XKR4: variants seen among roughly 807,000 people sequenced by gnomAD.
XKR4 encodes XK-related protein 4.
A neutral mutation model predicts 53.9 loss-of-function variants in XKR4; 12 were observed. The ratio of observed to expected loss-of-function variants is 0.22; its 90% CI spans 0.14 to 0.36. The LOEUF is 0.36. XKR4 is among the 10% of genes least tolerant of loss of function. The probability of loss-of-function intolerance (pLI) is 1.00; values close to 1 mark genes in which losing one functional copy is unlikely to be tolerated. For synonymous variants in XKR4, 354 were observed against 362.4 expected, an observed-to-expected ratio of 0.98 and a Z score of 0.26; for missense variants, 799 against 859.5, an observed-to-expected ratio of 0.93 and a Z score of 0.88.
chr8:55,302,828 A>G (rs1333414653), intron 1 of XKR4, among the ~76,000 whole-genome samples: 2 of 152,078 alleles, frequency 1.3e-5, no homozygotes, highest in African/African-American at 2.4e-5. Context: ...AATGCTTGTG[A>G]TTTTTGTACA....
At chr8:55,521,812 C>T (rs185651412) in intron 2 of XKR4, among the ~76,000 whole-genome samples, 3 of 152,284 alleles carry the variant, frequency 2.0e-5, no homozygotes, top group East Asian at 1.9e-4. Context: ...GGATCATAGA[C>T]AACAGCTCTT....
intron 1 of XKR4, among the ~76,000 whole-genome samples, chr8:55,336,454 A>G (rs893078210): frequency 6.6e-6 from 1 of 152,186 alleles, no homozygotes; most frequent in Non-Finnish European, 1.5e-5. Flanking sequence ...CACTGGGCAA[A>G]AGTCAAAATA....
chr8:55,135,098 G>T (rs958911552), intron 1 of XKR4: 2 of 152,376 alleles, frequency 1.3e-5, no homozygotes, highest in Non-Finnish European at 2.9e-5. Flanking sequence ...CAGAAACAGT[G>T]TAATGGCAAA....
At chr8:55,509,864 A>G (rs530290304) in intron 2 of XKR4, among the ~76,000 whole-genome samples, 2 of 152,334 alleles carry the variant, frequency 1.3e-5, no homozygotes, top group South Asian at 2.1e-4. Context: ...TTTCTAAAAG[A>G]AAGTTCATAG....
At chr8:55,350,672 G>A (rs552744698) in intron 1 of XKR4, among the ~76,000 whole-genome samples, 1 of 152,148 alleles carries the variant, frequency 6.6e-6, no homozygotes, top group South Asian at 2.1e-4. Context: ...CCAGGGGCTG[G>A]GGAAGGAGGG....
intron 1 of XKR4, among the ~76,000 whole-genome samples, chr8:55,248,090 C>T (rs761499420): frequency 1.1e-4 from 17 of 151,712 alleles, no homozygotes; most frequent in South Asian, 4.2e-4. Flanking sequence ...CTCCTGACCT[C>T]GTGATCCACC....
intron 2 of XKR4, among the ~76,000 whole-genome samples, chr8:55,472,660 T>C (rs939926273): frequency 5.3e-5 from 8 of 152,078 alleles, no homozygotes; most frequent in African/African-American, 1.7e-4. Flanking sequence ...TGATGCGCAC[T>C]GTCATATTCC....
intron 1 of XKR4, among the ~76,000 whole-genome samples, chr8:55,250,061 A>C (rs1276779249): frequency 6.6e-6 from 1 of 152,184 alleles, no homozygotes; most frequent in East Asian, 1.9e-4. Flanking sequence ...TATCCACTAA[A>C]ATCTTAATGG....
In XKR4 at chr8:55,204,601, G is replaced by A. The variant is rs200144642; in HGVS notation, c.806+101307G>A. Among the ~76,000 whole-genome samples, 23 of 152,194 alleles carry A rather than the reference G, an allele frequency of 1.5e-4. No homozygotes were observed. The East Asian group carries it at 1.9e-3, about 13-fold the overall frequency. On this transcript the variant is annotated intron_variant, in intron 1 of 2. Coordinates refer to ENST00000327381, the MANE Select transcript of XKR4 (RefSeq NM_052898.2). Reference sequence around the variant, plus strand: ...GCAACTCTTTTCTACACAAGAGGTCGTCAATAAAAAATGAAACACATGAAC... The same window carrying A: ...GCAACTCTTTTCTACACAAGAGGTCATCAATAAAAAATGAAACACATGAAC...
chr8:55,216,727 CAA>C (rs35682640), intron 1 of XKR4, among the ~76,000 whole-genome samples: 8 of 101,052 alleles, frequency 7.9e-5, no homozygotes, highest in East Asian at 3.1e-4. Flanking sequence ...AATTGCATCT[CAA>C]AAAAAAAAAA....
rs1026554026 is a variant in XKR4 at position 55,531,848 on chromosome 8, A to G, written c.*7621A>G. ...GAATAACAAATTTCTGGACATAAAC[A>G]TGAGCTGTTTCTCTAAAGCCTTTCC... On this transcript the variant is annotated 3_prime_UTR_variant, in exon 3 of 3. Transcript: ENST00000327381. 3 of 152,272 alleles carry G rather than the reference A, an allele frequency of 2.0e-5. No individual in the cohort carries two copies. 9.4% of individuals were successfully genotyped at this position (152,272 alleles called of 1,614,324 possible).
intron 1 of XKR4, among the ~76,000 whole-genome samples, chr8:55,336,012 GTTA>G (rs1803453711): frequency 8.0e-6 from 1 of 125,208 alleles, no homozygotes; most frequent in Non-Finnish European, 1.6e-5. Context: ...ATCCACATAT[GTTA>G]TAAAAAATTT....
At chr8:55,291,565 GT>G (rs1385047953) in intron 1 of XKR4, among the ~76,000 whole-genome samples, 1 of 152,088 alleles carries the variant, frequency 6.6e-6, no homozygotes, top group South Asian at 2.1e-4. Flanking sequence ...TCAGCATATA[GT>G]TTTGTACATT....
intron 1 of XKR4, among the ~76,000 whole-genome samples, chr8:55,328,962 A>G (rs1223300375): frequency 6.6e-6 from 1 of 151,806 alleles, no homozygotes; most frequent in Non-Finnish European, 1.5e-5. Context: ...CTCCTCCACT[A>G]CCTCGCAGAC....
Position 55,504,937 on chromosome 8 carries a change from GTTC to G in XKR4, c.1007-18341_1007-18339del, listed in dbSNP as rs1196854818. ...TTTGCTACTGATTTTAATAATTGAGGTTCTTTTTTTTTCTTAATCTAGCTAAAG... is the reference window on the plus strand; with the variant it reads ...TTTGCTACTGATTTTAATAATTGAGGTTTTTTTTTCTTAATCTAGCTAAAG... On this transcript the variant is annotated intron_variant, in intron 2 of 2. Transcript: ENST00000327381. 2.6e-5 allele frequency among the ~76,000 whole-genome samples: 4 copies of G among 151,838 alleles called. No homozygotes were observed. In the East Asian group the frequency reaches 7.7e-4, roughly 29 times the overall value.
At chr8:55,245,759 T>A (rs1818276474) in intron 1 of XKR4, among the ~76,000 whole-genome samples, 1 of 152,188 alleles carries the variant, frequency 6.6e-6, no homozygotes, top group Admixed American at 6.5e-5. Context: ...TCACTTCACA[T>A]TCAACCCATC....
At chr8:55,518,950 G>C (rs942524666) in intron 2 of XKR4, among the ~76,000 whole-genome samples, 4 of 152,200 alleles carry the variant, frequency 2.6e-5, no homozygotes, top group Non-Finnish European at 5.9e-5. Context: ...AAGGAGGCTT[G>C]TTACATGTTT....
At chr8:55,454,623 G>A in intron 2 of XKR4, 2 of 1,244,702 alleles carry the variant, frequency 1.6e-6, no homozygotes, top group Non-Finnish European at 2.3e-6. Context: ...TCCTCTACTA[G>A]CCCCCAGCCA....
At chr8:55,242,236 G>T (rs1818220186) in intron 1 of XKR4, among the ~76,000 whole-genome samples, 1 of 152,094 alleles carries the variant, frequency 6.6e-6, no homozygotes, top group Non-Finnish European at 1.5e-5. Context: ...TGTTTCTTCA[G>T]AGACACCACT....
Sources: gnomAD v4.1 joint callset for allele counts (sites outside exome capture counted in the v4.1 genomes callset) on GRCh38, gnomAD v4.1.1 for gene constraint, MANE v1.5 for transcripts, NCBI Gene and HGNC (gene_info 2026-07-23, HGNC 2026-07-21) for gene names.